The following ACACA variants were observed in gnomAD, a reference collection of about 807,000 sequenced individuals.
ACACA encodes the protein acetyl-CoA carboxylase alpha.
ACACA carries 103 observed loss-of-function variants against 296.1 expected under a neutral mutation model. The observed-to-expected ratio is 0.35, with a 90% CI of 0.30 to 0.41. ACACA has a LOEUF of 0.41. ACACA is among the 10% of genes least tolerant of loss of function. The probability of loss-of-function intolerance (pLI) is 1.00; values close to 1 mark genes in which losing one functional copy is unlikely to be tolerated. For missense variants in ACACA, 1,554 were observed against 2,989.7 expected, an observed-to-expected ratio of 0.52 and a Z score of 11.20; for synonymous variants, 953 against 1,038.6, an observed-to-expected ratio of 0.92 and a Z score of 1.58.
intron 3 of ACACA, among the ~76,000 whole-genome samples, chr17:37,316,808 C>T (rs1235976994): frequency 6.6e-6 from 1 of 152,168 alleles, no homozygotes; most frequent in Non-Finnish European, 1.5e-5. Context: ...CGAGGTAGCT[C>T]ATGTCTGTAA....
chr17:37,205,944 T>C, intron 32 of ACACA, 72 bp from the exon 33 acceptor site: 2 of 1,262,458 alleles, frequency 1.6e-6, no homozygotes, highest in Non-Finnish European at 2.3e-6. Context: ...AGTTATAATA[T>C]TTGGTAGAAT....
At chr17:37,223,439 G>A (rs2079387584) in intron 28 of ACACA, 73 bp downstream of exon 28, 1 of 1,238,226 alleles carries the variant, frequency 8.1e-7, no homozygotes, top group Non-Finnish European at 1.2e-6. Flanking sequence ...GAACTGACAT[G>A]GCAGCCAAAT....
chr17:37,137,536 A>G (rs1383766055), intron 45 of ACACA, among the ~76,000 whole-genome samples: 1 of 152,218 alleles, frequency 6.6e-6, no homozygotes, highest in East Asian at 1.9e-4. Context: ...CAGGCATGCA[A>G]TAAATGCATG....
chr17:37,270,937 C>T (rs1166294956), intron 9 of ACACA, 76 bp from the exon 10 acceptor site: 2 of 1,016,624 alleles, frequency 2.0e-6, no homozygotes, highest in African/African-American at 3.2e-5. Context: ...ATTTTTCTCC[C>T]TTTAAGAATG....
intron 1 of ACACA, among the ~76,000 whole-genome samples, chr17:37,343,295 A>G (rs2048469722): frequency 6.6e-6 from 1 of 152,150 alleles, no homozygotes; most frequent in Admixed American, 6.6e-5. Context: ...ATTTTTCTAA[A>G]TAAATACAAC....
chr17:37,370,010 C>CT (rs374109607), intron 1 of ACACA, among the ~76,000 whole-genome samples: 147 of 128,804 alleles, frequency 1.1e-3, no homozygotes, highest in Non-Finnish European at 1.6e-3. Flanking sequence ...CTGGCCCCTC[C>CT]TTTTTTTTTT....
At chr17:37,154,374 A>G (rs1336788782) in intron 43 of ACACA, among the ~76,000 whole-genome samples, 1 of 152,232 alleles carries the variant, frequency 6.6e-6, no homozygotes, top group Non-Finnish European at 1.5e-5. Flanking sequence ...AAAATTAAAA[A>G]TGTGAGAAAA....
At chr17:37,393,960 C>T (rs1597796018) in intron 1 of ACACA, among the ~76,000 whole-genome samples, 1 of 152,130 alleles carries the variant, frequency 6.6e-6, no homozygotes, top group East Asian at 1.9e-4. Flanking sequence ...TTTCTGACTC[C>T]CTAATCCATT....
intron 3 of ACACA, among the ~76,000 whole-genome samples, chr17:37,319,384 T>C (rs533492261): frequency 7.9e-5 from 12 of 152,098 alleles, no homozygotes; most frequent in Non-Finnish European, 4.4e-5. Flanking sequence ...AGTAAAAAAA[T>C]ATGAATATAT....
chr17:37,228,944 C>T (rs1374808996), intron 25 of ACACA, among the ~76,000 whole-genome samples: 1 of 152,084 alleles, frequency 6.6e-6, no homozygotes, highest in African/African-American at 2.4e-5. Context: ...GAGATCGAGA[C>T]CATCCTGGAG....
intron 48 of ACACA, among the ~76,000 whole-genome samples, chr17:37,125,122 G>C (rs2074715893): frequency 6.6e-6 from 1 of 152,134 alleles, no homozygotes; most frequent in Non-Finnish European, 1.5e-5. Flanking sequence ...ACTTCTTAGA[G>C]TAGGTATTAA....
At chr17:37,320,511 A>G (rs538959954) in intron 3 of ACACA, among the ~76,000 whole-genome samples, 2 of 143,866 alleles carry the variant, frequency 1.4e-5, no homozygotes, top group East Asian at 2.0e-4. Context: ...ACTTCATCTC[A>G]AAAAAAAAAA....
At chr17:37,245,756 G>A (rs951719878) in intron 19 of ACACA, among the ~76,000 whole-genome samples, 5 of 152,092 alleles carry the variant, frequency 3.3e-5, no homozygotes, top group African/African-American at 9.7e-5. Context: ...TCAAGGTCAC[G>A]AAAAGCAATC....
intron 10 of ACACA, among the ~76,000 whole-genome samples, chr17:37,264,827 A>C (rs1303635821): frequency 6.6e-6 from 1 of 152,184 alleles, no homozygotes; most frequent in South Asian, 2.1e-4. Context: ...AGTCATCTCA[A>C]AACTCAGTGG....
chr17:37,320,570 T>C (rs1228019993), intron 3 of ACACA, among the ~76,000 whole-genome samples: 1 of 151,918 alleles, frequency 6.6e-6, no homozygotes, highest in Non-Finnish European at 1.5e-5. Context: ...TAGTTTATAG[T>C]ACGAGCTCTG....
At chr17:37,400,368 C>T (rs2051240422) in intron 1 of ACACA, among the ~76,000 whole-genome samples, 1 of 152,140 alleles carries the variant, frequency 6.6e-6, no homozygotes, top group African/African-American at 2.4e-5. Context: ...GACCCACCTG[C>T]CTCAGCCTCC....
intron 45 of ACACA, among the ~76,000 whole-genome samples, chr17:37,135,137 C>A (rs893573820): frequency 6.6e-6 from 1 of 152,210 alleles, no homozygotes; most frequent in Non-Finnish European, 1.5e-5. Flanking sequence ...GTAATTCAAT[C>A]TCCAATTAAC....
chr17:37,227,765 CAGG>C (rs1264734156), intron 25 of ACACA, among the ~76,000 whole-genome samples: 1 of 149,162 alleles, frequency 6.7e-6, no homozygotes, highest in Non-Finnish European at 1.5e-5. Context: ...GAGGCTGAGG[CAGG>C]AGAATGGCGT....
rs1194551368 is a variant in ACACA, at chr17:37,199,483, T to A, written c.4158+656A>T. Reference sequence around the variant, plus strand: ...CTTAATTCTCTTTTCAATAAAAATTTTAATCTCATAAATATTAACAGTTAA... The same window carrying A: ...CTTAATTCTCTTTTCAATAAAAATTATAATCTCATAAATATTAACAGTTAA... On this transcript the variant is annotated intron_variant, in intron 35 of 55. Coordinates refer to ENST00000616317, the MANE Select transcript of ACACA (RefSeq NM_198834.3). Among the ~76,000 whole-genome samples the A allele has an allele frequency of 3.3e-5, 5 of 152,280 alleles. No individual in the cohort carries two copies. In the East Asian group the frequency reaches 7.7e-4, roughly 23 times the overall value.
Sources: gnomAD v4.1 joint callset for allele counts (sites outside exome capture counted in the v4.1 genomes callset) on GRCh38, gnomAD v4.1.1 for gene constraint, MANE v1.5 for transcripts, NCBI Gene and HGNC (gene_info 2026-07-23, HGNC 2026-07-21) for gene names.